The following MACROD2 variants were observed in gnomAD, a reference collection of about 807,000 sequenced individuals.
MACROD2 encodes ADP-ribose glycohydrolase MACROD2.
A neutral mutation model predicts 70.4 loss-of-function variants in MACROD2; 36 were observed. The ratio of observed to expected loss-of-function variants is 0.51; its 90% confidence interval spans 0.39 to 0.68. The LOEUF (loss-of-function observed/expected upper bound fraction) is 0.68, where lower values mean the gene tolerates loss of function less well. Ranked by LOEUF, MACROD2 falls within the 30% of genes least tolerant of loss-of-function variation. The pLI is 0.00. For synonymous variants in MACROD2, 172 were observed against 178.8 expected (o/e 0.96, Z 0.30); for missense variants, 496 against 538.4 (o/e 0.92, Z 0.78).
At position 14,130,561 on chromosome 20, in the gene MACROD2, G is replaced by C. The variant is rs1047607188; in HGVS notation, c.271+44833G>C. On this transcript the variant is annotated intron_variant, in intron 3 of 17. Coordinates refer to ENST00000684519, the MANE Select transcript of MACROD2 (RefSeq NM_001351661.2). ...TCTGTCTCAAAAAAAAAGAAAGAAA[G>C]AAAAAGAAAATATCTACCGTTAGCA... Among the ~76,000 whole-genome samples, 13 of 151,952 alleles carry C rather than the reference G, an allele frequency of 8.6e-5. 1 individual carries two copies. Among genetic ancestry groups the C allele is most frequent in the African/African-American group, 3.1e-4 (13 of 41,456 alleles).
intron 5 of MACROD2, among the ~76,000 whole-genome samples, chr20:14,968,792 A>G (rs2074662341): frequency 6.6e-6 from 1 of 152,144 alleles, no homozygotes; most frequent in Non-Finnish European, 1.5e-5. Context: ...CATCCCTACC[A>G]CAAGTAAAAC....
chr20:14,734,546 C>CA (rs11482345), intron 5 of MACROD2, among the ~76,000 whole-genome samples: 89,231 of 143,350 alleles, frequency 0.62, 28,047 homozygotes, highest in South Asian at 0.71. Context: ...AACAAAAAAG[C>CA]AAAAAAAAAA....
At chr20:15,714,171 G>T (rs1239263910) in intron 8 of MACROD2, among the ~76,000 whole-genome samples, 1 of 152,078 alleles carries the variant, frequency 6.6e-6, no homozygotes, top group Non-Finnish European at 1.5e-5. Context: ...GTCAACCCAG[G>T]CCTGCTGATA....
chr20:15,983,560 G>C (rs113472816), intron 13 of MACROD2, among the ~76,000 whole-genome samples: 3 of 152,300 alleles, frequency 2.0e-5, no homozygotes, highest in African/African-American at 7.2e-5. Context: ...TGAACTTAGT[G>C]TTGGGAGACA....
chr20:14,828,933 T>C (rs1333604348), intron 5 of MACROD2, among the ~76,000 whole-genome samples: 2 of 151,434 alleles, frequency 1.3e-5, no homozygotes, highest in Non-Finnish European at 2.9e-5. Context: ...TAACATGTGA[T>C]GGTCCAGAAC....
At chr20:14,467,624 C>T (rs1384281216) in intron 3 of MACROD2, among the ~76,000 whole-genome samples, 2 of 152,048 alleles carry the variant, frequency 1.3e-5, no homozygotes, top group Admixed American at 6.5e-5. Flanking sequence ...GTCACTCACC[C>T]TGGGAGCTGT....
intron 6 of MACROD2, among the ~76,000 whole-genome samples, chr20:15,293,573 C>A: frequency 6.6e-6 from 1 of 152,160 alleles, no homozygotes; most frequent in East Asian, 1.9e-4. Context: ...CATGATTGTG[C>A]CTGAGGGCAC....
chr20:15,021,221 G>GTGTGTATGTATACGCACAC (rs1568534841), intron 5 of MACROD2, among the ~76,000 whole-genome samples: 1 of 3,804 alleles, frequency 2.6e-4, no homozygotes, highest in Non-Finnish European at 5.9e-4. Context: ...TACACATACA[G>GTGTGTATGTATACGCACAC]GTGTGCGTAT....
At chr20:14,244,397 A>C (rs1423817230) in intron 3 of MACROD2, among the ~76,000 whole-genome samples, 7 of 152,066 alleles carry the variant, frequency 4.6e-5, no homozygotes, top group South Asian at 2.1e-4. Flanking sequence ...AAAAAAAAAA[A>C]CCCATATTCA....
intron 8 of MACROD2, among the ~76,000 whole-genome samples, chr20:15,527,516 AC>A (rs1295183898): frequency 6.6e-6 from 1 of 152,046 alleles, no homozygotes; most frequent in East Asian, 1.9e-4. Context: ...TCCTGCTACC[AC>A]CCGAAGTCAC....
chr20:16,008,644 T>C (rs1312121327), intron 15 of MACROD2, among the ~76,000 whole-genome samples: 1 of 152,204 alleles, frequency 6.6e-6, no homozygotes, highest in Admixed American at 6.5e-5. Context: ...AGGTTGTTTA[T>C]AGGGATGATA....
At chr20:15,900,620 C>T (rs570784170) in intron 10 of MACROD2, among the ~76,000 whole-genome samples, 124 of 152,256 alleles carry the variant, frequency 8.1e-4, no homozygotes, top group Non-Finnish European at 1.5e-3. Context: ...GCTGAATCTA[C>T]CAAGGCAGAG....
At chr20:15,007,629 T>C (rs1168283361) in intron 5 of MACROD2, among the ~76,000 whole-genome samples, 3 of 152,160 alleles carry the variant, frequency 2.0e-5, no homozygotes, top group Non-Finnish European at 4.4e-5. Flanking sequence ...CCTCAGGATA[T>C]AGGATTTTTA....
intron 3 of MACROD2, among the ~76,000 whole-genome samples, chr20:14,441,554 CT>C (rs1451959245): frequency 6.6e-6 from 1 of 152,188 alleles, no homozygotes; most frequent in Non-Finnish European, 1.5e-5. Context: ...TTTCTCTCAG[CT>C]TCCAATAAAG....
In MACROD2 at chr20:15,995,649, CTTT is replaced by C. The variant is rs71192310; in HGVS notation, c.1153+8509_1153+8511del. Reference sequence around the variant, plus strand: ...ACAGGCATGAGCCACTATGCCCGGCCTTTTTTTTTTTTTTTTTTTTAACTTTTT... The same window carrying C: ...ACAGGCATGAGCCACTATGCCCGGCCTTTTTTTTTTTTTTTTTAACTTTTT... On this transcript the variant is annotated intron_variant, in intron 15 of 17. Coordinates refer to ENST00000684519, the MANE Select transcript of MACROD2 (RefSeq NM_001351661.2). Among the ~76,000 whole-genome samples the C allele has an allele frequency of 1.5e-3, 129 of 85,494 alleles. 1 individual carries two copies. The East Asian group carries it at 0.023, about 15-fold the overall frequency. The allele number at this position is 85,494 out of a possible 152,430, so 56.1% of individuals were successfully genotyped here.
At chr20:14,279,986 C>A (rs1761550273) in intron 3 of MACROD2, among the ~76,000 whole-genome samples, 1 of 152,152 alleles carries the variant, frequency 6.6e-6, no homozygotes, top group South Asian at 2.1e-4. Flanking sequence ...GATAGTCTTA[C>A]AGAGAAAGAG....
chr20:14,462,777 G>C (rs1245979668), intron 3 of MACROD2, among the ~76,000 whole-genome samples: 2 of 152,008 alleles, frequency 1.3e-5, no homozygotes, highest in Non-Finnish European at 2.9e-5. Context: ...CCCAGCACCA[G>C]TTGTTAAACA....
chr20:14,315,640 A>G (rs2082606293), intron 3 of MACROD2, among the ~76,000 whole-genome samples: 1 of 152,260 alleles, frequency 6.6e-6, no homozygotes, highest in South Asian at 2.1e-4. Context: ...ATGAGCTAGT[A>G]GTTAGCTTAA....
At chr20:15,419,411 A>G (rs1299368901) in intron 6 of MACROD2, among the ~76,000 whole-genome samples, 1 of 152,092 alleles carries the variant, frequency 6.6e-6, no homozygotes, top group Non-Finnish European at 1.5e-5. Context: ...ACAGGGGTGA[A>G]TGGGCTTGGA....
Sources: allele counts gnomAD v4.1 joint callset (sites outside exome capture counted in the v4.1 genomes callset), GRCh38; gene constraint gnomAD v4.1.1; transcripts MANE v1.5; gene names NCBI Gene and HGNC (gene_info 2026-07-23, HGNC 2026-07-21).